Variants in CMTM7 observed in about 807,000 individuals in gnomAD.
The protein encoded by CMTM7 is CKLF like MARVEL transmembrane domain containing 7.
Under a neutral mutation model 19.3 loss-of-function variants are expected in CMTM7, and 7 were observed. The ratio of observed to expected loss-of-function variants is 0.36; its 90% CI spans 0.21 to 0.68. CMTM7 has a LOEUF of 0.68. CMTM7 is among the 30% of genes least tolerant of loss of function. The probability of loss-of-function intolerance (pLI) is 0.60; values close to 1 mark genes in which losing one functional copy is unlikely to be tolerated. For synonymous variants in CMTM7, 87 were observed against 99.3 expected, an observed-to-expected ratio of 0.88 and a Z score of 0.74; for missense variants, 193 against 232.6, an observed-to-expected ratio of 0.83 and a Z score of 1.11.
intron 2 of CMTM7, among the ~76,000 whole-genome samples, chr3:32,442,306 C>T (rs1419453587): frequency 4.0e-5 from 6 of 151,454 alleles, no homozygotes; most frequent in Admixed American, 6.6e-5. Context: ...GTCAGGAGTT[C>T]GAGACCACGG....
chr3:32,415,754 G>A (rs1696250755), intron 1 of CMTM7, among the ~76,000 whole-genome samples: 1 of 152,182 alleles, frequency 6.6e-6, no homozygotes, highest in Non-Finnish European at 1.5e-5. Flanking sequence ...AGCTGGGTCT[G>A]TTCTTGCTAT....
chr3:32,409,262 C>T (rs1049931208), intron 1 of CMTM7, among the ~76,000 whole-genome samples: 18 of 152,252 alleles, frequency 1.2e-4, no homozygotes, highest in African/African-American at 4.1e-4. Flanking sequence ...ATCCCCTTGC[C>T]CCAGGTTCTC....
chr3:32,422,928 G>A (rs141558055), intron 1 of CMTM7, among the ~76,000 whole-genome samples: 27 of 152,308 alleles, frequency 1.8e-4, no homozygotes, highest in Middle Eastern at 6.8e-3. Context: ...TCTACTGAAT[G>A]TATATCACTT....
At chr3:32,405,638 C>T (rs1250401338) in intron 1 of CMTM7, among the ~76,000 whole-genome samples, 3 of 152,132 alleles carry the variant, frequency 2.0e-5, no homozygotes, top group African/African-American at 7.2e-5. Flanking sequence ...GCCTGTGGGC[C>T]TATCTACTCA....
chr3:32,441,754 G>T (rs1696679867), intron 1 of CMTM7, 86 bp from the exon 2 acceptor site: 5 of 1,155,682 alleles, frequency 4.3e-6, no homozygotes, highest in Non-Finnish European at 6.4e-6. Context: ...GGGCCTGCTG[G>T]GGGATGCTTG....
At chr3:32,415,131 C>T (rs1696240702) in intron 1 of CMTM7, among the ~76,000 whole-genome samples, 1 of 152,048 alleles carries the variant, frequency 6.6e-6, no homozygotes, top group Admixed American at 6.6e-5. Context: ...ATTAAAAACT[C>T]CTCTGGCTGA....
chr3:32,430,146 T>C lies in CMTM7; in HGVS notation c.160-11694T>C, dbSNP rs538315008. On this transcript the variant is annotated intron_variant, in intron 1 of 4. Coordinates refer to ENST00000334983, the MANE Select transcript of CMTM7 (RefSeq NM_138410.4). ...AATTCAGTGATTTTTAGTAAACTGATAGAGTTGTGCAGCCATCACTGTAAT... is the reference window on the plus strand; with the variant it reads ...AATTCAGTGATTTTTAGTAAACTGACAGAGTTGTGCAGCCATCACTGTAAT... 3.3e-5 allele frequency among the ~76,000 whole-genome samples: 5 copies of C among 152,304 alleles called. No homozygotes were observed. In the East Asian group the frequency reaches 9.6e-4, roughly 29 times the overall value.
At chr3:32,407,730 C>T (rs1000684811) in intron 1 of CMTM7, among the ~76,000 whole-genome samples, 7 of 152,176 alleles carry the variant, frequency 4.6e-5, no homozygotes, top group Admixed American at 3.9e-4. Context: ...GAGGAAAGAA[C>T]TCTGTAGCAT....
At chr3:32,415,706 G>A (rs655754) in intron 1 of CMTM7, among the ~76,000 whole-genome samples, 50,658 of 152,146 alleles carry the variant, frequency 0.33, 8,976 homozygotes, top group South Asian at 0.42. Context: ...CCTCCTTTCA[G>A]TAGTCTAGTG....
chr3:32,429,483 G>A (rs1696481968), intron 1 of CMTM7, among the ~76,000 whole-genome samples: 1 of 151,950 alleles, frequency 6.6e-6, no homozygotes. Flanking sequence ...GGTAGAGACA[G>A]GGTTTCACCA....
chr3:32,429,001 C>CGTTTGGT (rs1214630340), intron 1 of CMTM7, among the ~76,000 whole-genome samples: 3 of 152,202 alleles, frequency 2.0e-5, no homozygotes, highest in African/African-American at 7.2e-5. Flanking sequence ...AGAGCCTCAT[C>CGTTTGGT]GTTTGGTCTG....
chr3:32,440,053 C>T lies in CMTM7; in HGVS notation c.160-1787C>T, dbSNP rs561630089. On this transcript the variant is annotated intron_variant, in intron 1 of 4. Coordinates refer to ENST00000334983, the MANE Select transcript of CMTM7 (RefSeq NM_138410.4). ...ATACCCATACGCTAACACACCCATA[C>T]ACTAACACCACACGCATACACACAC... 2.3e-4 allele frequency among the ~76,000 whole-genome samples: 35 copies of T among 149,774 alleles called. 1 individual carries two copies. The highest frequency in any genetic ancestry group is 9.4e-4 in the Admixed American group (14 of 14,960).
Position 32,443,273 on chromosome 3 carries a change from G to T in CMTM7, c.333+1260G>T, listed in dbSNP as rs1242587817. Among the ~76,000 whole-genome samples, 8 of 144,828 alleles carry T rather than the reference G, an allele frequency of 5.5e-5. No individual in the cohort carries two copies. In the East Asian group the frequency reaches 1.4e-3, roughly 25 times the overall value. On this transcript the variant is annotated intron_variant, in intron 2 of 4. Transcript: ENST00000334983. Reference sequence around the variant, plus strand: ...GCCACCACACCTGGATAATTTTTGTGTTTTTTTTTTTACAGAGATGAGGTT... The same window carrying T: ...GCCACCACACCTGGATAATTTTTGTTTTTTTTTTTTTACAGAGATGAGGTT...
At chr3:32,432,336 C>T (rs1696531724) in intron 1 of CMTM7, among the ~76,000 whole-genome samples, 1 of 152,234 alleles carries the variant, frequency 6.6e-6, no homozygotes, top group African/African-American at 2.4e-5. Flanking sequence ...TCCATACCTT[C>T]TGCCCTGCCT....
chr3:32,441,805 C>G (rs1286575176), intron 1 of CMTM7, 35 bp from the exon 2 acceptor site: 1 of 1,601,552 alleles, frequency 6.2e-7, no homozygotes, highest in Non-Finnish European at 8.5e-7. Flanking sequence ...CCGTCTTGGG[C>G]AAGCATTTCT....
intron 1 of CMTM7, among the ~76,000 whole-genome samples, chr3:32,397,964 A>C (rs977887265): frequency 4.6e-5 from 7 of 152,180 alleles, no homozygotes; most frequent in Admixed American, 4.6e-4. Context: ...ATGGAAGAGG[A>C]TCAGAGGGCA....
chr3:32,401,932 A>G (rs1696013772), intron 1 of CMTM7, among the ~76,000 whole-genome samples: 1 of 152,210 alleles, frequency 6.6e-6, no homozygotes, highest in African/African-American at 2.4e-5. Context: ...AATCGCGAGC[A>G]GAGCCCTTCT....
At chr3:32,408,603 T>A (rs747485992) in intron 1 of CMTM7, among the ~76,000 whole-genome samples, 1 of 152,052 alleles carries the variant, frequency 6.6e-6, no homozygotes. Context: ...GATGGCAGGG[T>A]GGGGGCAAAA....
At chr3:32,407,027 T>A (rs1696100669) in intron 1 of CMTM7, among the ~76,000 whole-genome samples, 1 of 152,190 alleles carries the variant, frequency 6.6e-6, no homozygotes, top group Admixed American at 6.5e-5. Context: ...AGCTGGGGGA[T>A]GGATGCACAG....
Sources: allele counts gnomAD v4.1 joint callset (sites outside exome capture counted in the v4.1 genomes callset), GRCh38; gene constraint gnomAD v4.1.1; transcripts MANE v1.5; gene names NCBI Gene and HGNC (gene_info 2026-07-23, HGNC 2026-07-21).